Variants in CABCOCO1 observed in about 807,000 individuals in gnomAD.
The protein encoded by CABCOCO1 is ciliary associated calcium binding coiled-coil 1, also known as ciliary-associated calcium-binding coiled-coil protein 1.
CABCOCO1 carries 28 observed loss-of-function variants against 35.7 expected under a neutral mutation model. That is an observed-to-expected ratio of 0.78 (90% CI 0.58 to 1.07). The LOEUF is 1.07. CABCOCO1 is among the 50% of genes least tolerant of loss of function. The pLI is 0.00. For missense variants in CABCOCO1, 326 were observed against 309.2 expected (o/e 1.05, Z -0.41); for synonymous variants, 95 against 100.1 (o/e 0.95, Z 0.30).
At position 61,692,363 on chromosome 10, in the gene CABCOCO1, T is replaced by A. The variant is rs548666548; in HGVS notation, c.552+1742T>A. Among the ~76,000 whole-genome samples the A allele has an allele frequency of 6.6e-4, 100 of 152,266 alleles. 1 individual carries two copies. Among genetic ancestry groups the A allele is most frequent in the African/African-American group, 2.4e-3 (99 of 41,556 alleles). On this transcript the variant is annotated intron_variant, in intron 5 of 7. Transcript: ENST00000648843. ...GTTGCTTGTTTTTTTCTTGTAAATT[T>A]GTTTAAGTTCCTTGTAGATTCCAGG...
intron 5 of CABCOCO1, among the ~76,000 whole-genome samples, chr10:61,694,040 T>C (rs2132001044): frequency 6.6e-6 from 1 of 152,024 alleles, no homozygotes; most frequent in East Asian, 1.9e-4. Flanking sequence ...TAGTTGATGA[T>C]TACTGTTACT....
intron 5 of CABCOCO1, chr10:61,701,533 C>A: frequency 4.5e-6 from 3 of 670,698 alleles, no homozygotes; most frequent in Non-Finnish European, 5.5e-6. Flanking sequence ...ATTTACTCTG[C>A]TATTTATGAT....
intron 5 of CABCOCO1, among the ~76,000 whole-genome samples, chr10:61,730,549 G>T (rs933287321): frequency 5.9e-5 from 9 of 152,024 alleles, no homozygotes; most frequent in African/African-American, 2.2e-4. Context: ...ATTGATTTAG[G>T]AATGAATGAT....
chr10:61,730,163 G>A (rs1841267640), intron 5 of CABCOCO1, among the ~76,000 whole-genome samples: 1 of 93,406 alleles, frequency 1.1e-5, no homozygotes, highest in African/African-American at 3.0e-5. Flanking sequence ...AAATACCATT[G>A]TCCAATAAAA....
intron 2 of CABCOCO1, among the ~76,000 whole-genome samples, chr10:61,674,442 A>G (rs764262358): frequency 6.6e-6 from 1 of 152,186 alleles, no homozygotes; most frequent in Non-Finnish European, 1.5e-5. Context: ...GTATTATGTT[A>G]GGAGCCATTT....
chr10:61,681,398 T>A, intron 3 of CABCOCO1, 86 bp downstream of exon 3: 1 of 1,001,990 alleles, frequency 1.0e-6, no homozygotes, highest in Middle Eastern at 3.2e-4. Flanking sequence ...CAGATTTTAT[T>A]GTAATTCCTT....
At chr10:61,756,512 C>T (rs1351868682) in intron 5 of CABCOCO1, among the ~76,000 whole-genome samples, 2 of 152,006 alleles carry the variant, frequency 1.3e-5, no homozygotes, top group East Asian at 1.9e-4. Flanking sequence ...ATGGCATTCA[C>T]ATGGAACAAC....
chr10:61,752,364 A>C (rs1841806353), intron 5 of CABCOCO1, among the ~76,000 whole-genome samples: 1 of 30,854 alleles, frequency 3.2e-5, no homozygotes, highest in Non-Finnish European at 8.0e-5. Context: ...TTTTATAAAA[A>C]AGGAAAAAAA....
chr10:61,669,675 C>T (rs1384572741), intron 1 of CABCOCO1, among the ~76,000 whole-genome samples: 1 of 151,974 alleles, frequency 6.6e-6, no homozygotes, highest in Non-Finnish European at 1.5e-5. Flanking sequence ...ATTAAGCCTG[C>T]AAATTTTAGT....
intron 5 of CABCOCO1, 115 bp from the exon 6 acceptor site, chr10:61,759,944 G>T: frequency 1.5e-6 from 2 of 1,320,994 alleles, no homozygotes. Context: ...TTCAAAGGAG[G>T]TGGCACTTGA....
intron 5 of CABCOCO1, among the ~76,000 whole-genome samples, chr10:61,703,227 G>GACAC (rs35152499): frequency 0.052 from 7,421 of 141,460 alleles, 179 homozygotes; most frequent in African/African-American, 0.058. Context: ...CTTGTGAGGA[G>GACAC]ACACACACAC....
chr10:61,691,695 C>A (rs1016140704), intron 5 of CABCOCO1, among the ~76,000 whole-genome samples: 25 of 151,996 alleles, frequency 1.6e-4, no homozygotes, highest in Admixed American at 2.0e-4. Flanking sequence ...TCCCTGTGCC[C>A]ATGTGTTCTC....
chr10:61,740,262 A>G (rs1841520226), intron 5 of CABCOCO1, among the ~76,000 whole-genome samples: 1 of 152,180 alleles, frequency 6.6e-6, no homozygotes, highest in African/African-American at 2.4e-5. Flanking sequence ...ATAATAATCT[A>G]TCGCCATCTT....
intron 1 of CABCOCO1, among the ~76,000 whole-genome samples, chr10:61,667,022 AAAT>A (rs1289629950): frequency 7.3e-6 from 1 of 136,116 alleles, no homozygotes; most frequent in Non-Finnish European, 1.6e-5. Context: ...TAGTATATAT[AAAT>A]ATAATTATAT....
chr10:61,717,480 A>C (rs61850501), intron 5 of CABCOCO1, among the ~76,000 whole-genome samples: 2,255 of 152,232 alleles, frequency 0.015, 29 homozygotes, highest in South Asian at 0.047. Context: ...GTTTTTAAAA[A>C]TTGTGCTGTA....
chr10:61,713,137 G>A (rs577156477), intron 5 of CABCOCO1, among the ~76,000 whole-genome samples: 14 of 152,154 alleles, frequency 9.2e-5, no homozygotes, highest in African/African-American at 3.1e-4. Context: ...CTTATCCATG[G>A]GCATGGAATG....
chr10:61,759,913 A>C, intron 5 of CABCOCO1, 146 bp from the exon 6 acceptor site: 1 of 1,023,210 alleles, frequency 9.8e-7, no homozygotes, highest in Non-Finnish European at 1.4e-6. Flanking sequence ...TAGAGGACAA[A>C]AAGGGCAATG....
chr10:61,765,439 A>G (rs111312142), intron 7 of CABCOCO1, among the ~76,000 whole-genome samples: 7 of 152,348 alleles, frequency 4.6e-5, no homozygotes, highest in African/African-American at 1.7e-4. Flanking sequence ...GTTCTAATGT[A>G]TGATGAATAC....
chr10:61,748,154 T>C (rs1841704243), intron 5 of CABCOCO1, among the ~76,000 whole-genome samples: 1 of 136,824 alleles, frequency 7.3e-6, no homozygotes, highest in Non-Finnish European at 1.6e-5. Context: ...AGCAGGGAGA[T>C]ACGGGGGAAA....
Sources: gnomAD v4.1 joint callset for allele counts (sites outside exome capture counted in the v4.1 genomes callset) on GRCh38, gnomAD v4.1.1 for gene constraint, MANE v1.5 for transcripts, NCBI Gene and HGNC (gene_info 2026-07-23, HGNC 2026-07-21) for gene names.